Variants in HMGA2 observed in about 807,000 individuals in gnomAD.
HMGA2 encodes the protein high mobility group protein HMGI-C.
Under a neutral mutation model 19.1 loss-of-function variants are expected in HMGA2, and 8 were observed. That is an observed-to-expected ratio of 0.42 (90% confidence interval 0.25 to 0.76). The LOEUF (loss-of-function observed/expected upper bound fraction) is 0.76, where lower values mean the gene tolerates loss of function less well. HMGA2 is among the 30% of genes least tolerant of loss of function. The pLI, the probability that HMGA2 is intolerant of heterozygous loss-of-function variation, is 0.28. For missense variants in HMGA2, 109 were observed against 136.3 expected, an observed-to-expected ratio of 0.80 and a Z score of 1.00; for synonymous variants, 60 against 48.8, an observed-to-expected ratio of 1.23 and a Z score of -0.96.
At chr12:65,932,302 T>C (rs2121269787) in intron 3 of HMGA2, among the ~76,000 whole-genome samples, 1 of 152,372 alleles carries the variant, frequency 6.6e-6, no homozygotes, top group Non-Finnish European at 1.5e-5. Context: ...GTGCATGATA[T>C]GTGTGTCTCA....
chr12:65,945,235 TA>T (rs111532089), intron 3 of HMGA2, among the ~76,000 whole-genome samples: 4,906 of 141,580 alleles, frequency 0.035, 77 homozygotes, highest in African/African-American at 0.063. Context: ...TCTTATGCTT[TA>T]AAAAAAAAAA....
Position 65,906,436 on chromosome 12 carries a change from A to ACATT in HMGA2, c.250-44942_250-44939dup, listed in dbSNP as rs565466857. 1.8e-3 allele frequency among the ~76,000 whole-genome samples: 278 copies of ACATT among 152,294 alleles called. 1 individual carries two copies. Among genetic ancestry groups the ACATT allele is most frequent in the Admixed American group, 0.018 (273 of 15,292 alleles). ...GAAATGGGTCCACAGTAGCCCAGCAACATTCATTAATAAGTGTGTAGGTAC... is the reference window on the plus strand; with the variant it reads ...GAAATGGGTCCACAGTAGCCCAGCAACATTCATTCATTAATAAGTGTGTAGGTAC... On this transcript the variant is annotated intron_variant, in intron 3 of 4. Transcript: ENST00000403681.
intron 3 of HMGA2, among the ~76,000 whole-genome samples, chr12:65,840,186 A>G (rs1870934076): frequency 6.6e-6 from 1 of 152,160 alleles, no homozygotes; most frequent in African/African-American, 2.4e-5. Flanking sequence ...TGTTGTACAT[A>G]TGGTTCCAGT....
At chr12:65,880,795 C>T (rs1160470204) in intron 3 of HMGA2, among the ~76,000 whole-genome samples, 1 of 152,072 alleles carries the variant, frequency 6.6e-6, no homozygotes, top group Non-Finnish European at 1.5e-5. Context: ...AAAAAAAATT[C>T]CTCTGATAAG....
chr12:65,964,150 C>A lies in HMGA2; in HGVS notation c.*858C>A. 4.9e-6 allele frequency: 1 copy of A among 204,234 alleles called. No individual in the cohort carries two copies. The highest frequency in any genetic ancestry group is 7.6e-5 in the East Asian group (1 of 13,120). 12.7% of individuals were successfully genotyped at this position (204,234 alleles called of 1,614,324 possible). A position where few individuals can be genotyped will look rare whatever the true frequency, so the allele number is the denominator to read the frequency against. On this transcript the variant is annotated 3_prime_UTR_variant, in exon 5 of 5. Transcript: ENST00000403681. ...GTCAGCCTCAGAGCATTTAAGGAAA[C>A]TAGACAAGTAAAATTATCCTCTTTG...
intron 3 of HMGA2, among the ~76,000 whole-genome samples, chr12:65,888,740 T>C (rs1873777664): frequency 1.3e-5 from 2 of 151,252 alleles, no homozygotes; most frequent in Admixed American, 6.6e-5. Flanking sequence ...ACTTTTTGTA[T>C]TTTTAGTAGA....
chr12:65,834,521 TC>T (rs1222414781), intron 2 of HMGA2, among the ~76,000 whole-genome samples: 8 of 96,860 alleles, frequency 8.3e-5, no homozygotes, highest in African/African-American at 2.4e-4. Flanking sequence ...CCTCCCTCCC[TC>T]CCTTCTTCCT....
At chr12:65,936,976 C>A (rs1183483653) in intron 3 of HMGA2, among the ~76,000 whole-genome samples, 1 of 152,122 alleles carries the variant, frequency 6.6e-6, no homozygotes, top group South Asian at 2.1e-4. Flanking sequence ...ACCTCCTAAC[C>A]CTTACAAAGC....
At chr12:65,829,744 G>A (rs924673663) in intron 2 of HMGA2, among the ~76,000 whole-genome samples, 4 of 151,840 alleles carry the variant, frequency 2.6e-5, no homozygotes, top group Admixed American at 6.6e-5. Flanking sequence ...AGATAGAAAC[G>A]CTCCCATCGC....
At chr12:65,852,372 G>A (rs747285784) in intron 3 of HMGA2, among the ~76,000 whole-genome samples, 24 of 152,048 alleles carry the variant, frequency 1.6e-4, no homozygotes, top group African/African-American at 3.9e-4. Context: ...GCATGGTGGC[G>A]CGCTGCTGTA....
In HMGA2 at chr12:65,884,890, T is replaced by C. The variant is rs1013829211; in HGVS notation, c.249+46321T>C. On this transcript the variant is annotated intron_variant, in intron 3 of 4. Transcript: ENST00000403681. The stretch of plus-strand genomic sequence containing the variant: ...TTGAGAATATTAAATGAGCTAATTA[T>C]GTAAAGTGCTTCAAATTGCGCCTGG... Among the ~76,000 whole-genome samples, 4 of 152,374 alleles carry C rather than the reference T, an allele frequency of 2.6e-5. No individual in the cohort carries two copies. The East Asian group carries it at 7.7e-4, about 29-fold the overall frequency.
At chr12:65,896,519 T>C (rs1316301085) in intron 3 of HMGA2, among the ~76,000 whole-genome samples, 2 of 152,224 alleles carry the variant, frequency 1.3e-5, no homozygotes, top group African/African-American at 4.8e-5. Context: ...GCTTTCTCTC[T>C]CTTTCTCTTT....
chr12:65,857,897 T>A (rs1490327765), intron 3 of HMGA2: 1 of 152,624 alleles, frequency 6.6e-6, no homozygotes, highest in African/African-American at 2.4e-5. Context: ...GATAATTACA[T>A]CCTCTGTGCT....
chr12:65,950,183 T>C (rs1370807005), intron 3 of HMGA2, among the ~76,000 whole-genome samples: 1 of 152,172 alleles, frequency 6.6e-6, no homozygotes, highest in Admixed American at 6.5e-5. Context: ...AATTACAATA[T>C]GAACCAGCGA....
chr12:65,847,705 C>T (rs1250388401), intron 3 of HMGA2, among the ~76,000 whole-genome samples: 1 of 152,072 alleles, frequency 6.6e-6, no homozygotes, highest in East Asian at 1.9e-4. Flanking sequence ...AGGATTGTTT[C>T]ATAAGAATTA....
At chr12:65,870,327 G>GT (rs1872647719) in intron 3 of HMGA2, among the ~76,000 whole-genome samples, 1 of 152,070 alleles carries the variant, frequency 6.6e-6, no homozygotes, top group African/African-American at 2.4e-5. Context: ...AATGTAAATA[G>GT]TAAAAAACAA....
At chr12:65,952,929 T>C (rs1289268681) in intron 4 of HMGA2, 3 of 153,912 alleles carry the variant, frequency 1.9e-5, no homozygotes, top group Admixed American at 6.4e-5. Flanking sequence ...TATATGCCTG[T>C]GTCCTATCCA....
Position 65,965,123 on chromosome 12 carries a change from A to G in HMGA2, c.*1831A>G, listed in dbSNP as rs779913418. 1.5e-5 allele frequency: 3 copies of G among 194,918 alleles called. No individual in the cohort carries two copies. The highest frequency in any genetic ancestry group is 2.3e-5 in the African/African-American group (1 of 43,170). The allele number at this position is 194,918 out of a possible 1,614,324, so 12.1% of individuals were successfully genotyped here. On this transcript the variant is annotated 3_prime_UTR_variant, in exon 5 of 5. Transcript: ENST00000403681. ...TTTTACATACTTTTGCAAAATAAGTAAATAATAAATAAAATAAAAGCCAAC... is the reference window on the plus strand; with the variant it reads ...TTTTACATACTTTTGCAAAATAAGTGAATAATAAATAAAATAAAAGCCAAC...
At chr12:65,838,469 A>T in intron 2 of HMGA2, 50 bp from the exon 3 acceptor site, 1 of 1,402,704 alleles carries the variant, frequency 7.1e-7, no homozygotes, top group Non-Finnish European at 1.0e-6. Context: ...TGCAGTACTT[A>T]TAAACAATGT....
Sources: allele counts gnomAD v4.1 joint callset (sites outside exome capture counted in the v4.1 genomes callset), GRCh38; gene constraint gnomAD v4.1.1; transcripts MANE v1.5; gene names NCBI Gene and HGNC (gene_info 2026-07-23, HGNC 2026-07-21).